GSE1: variants seen among roughly 807,000 people sequenced by gnomAD.
The protein encoded by GSE1 is Gse1 coiled-coil protein.
GSE1 carries 32 observed loss-of-function variants against 112.6 expected under a neutral mutation model. The observed-to-expected ratio is 0.28, with a 90% CI of 0.21 to 0.38. GSE1 has a LOEUF of 0.38. GSE1 is among the 10% of genes least tolerant of loss of function. The probability of loss-of-function intolerance (pLI) is 1.00; values close to 1 mark genes in which losing one functional copy is unlikely to be tolerated. For missense variants in GSE1, 2,348 were observed against 1,699.2 expected (o/e 1.38, Z -6.71); for synonymous variants, 1,115 against 735.6 (o/e 1.52, Z -8.35).
chr16:85,357,314 G>C (rs973778986), intron 1 of GSE1: 1 of 347,608 alleles, frequency 2.9e-6, no homozygotes, highest in Non-Finnish European at 4.9e-6. Flanking sequence ...CTGCTCTGCT[G>C]TTGCCCTGAG....
At chr16:85,639,181 C>T (rs1377911892) in intron 2 of GSE1, among the ~76,000 whole-genome samples, 2 of 152,224 alleles carry the variant, frequency 1.3e-5, no homozygotes, top group Non-Finnish European at 2.9e-5. Flanking sequence ...GTCCCAGCCA[C>T]CAAAGGGACG....
intron 2 of GSE1, among the ~76,000 whole-genome samples, chr16:85,486,550 G>A (rs1217318309): frequency 6.6e-6 from 1 of 152,230 alleles, no homozygotes; most frequent in African/African-American, 2.4e-5. Flanking sequence ...ATTCCAAACT[G>A]ATAAGGCCTT....
chr16:85,541,437 G>A (rs554736406), intron 2 of GSE1, among the ~76,000 whole-genome samples: 3 of 152,354 alleles, frequency 2.0e-5, no homozygotes, highest in South Asian at 4.1e-4. Flanking sequence ...TGTCCTGACC[G>A]TGTCCCCACT....
At chr16:85,560,712 A>C (rs917471558) in intron 1 of GSE1, among the ~76,000 whole-genome samples, 1 of 152,030 alleles carries the variant, frequency 6.6e-6, no homozygotes, top group East Asian at 1.9e-4. Context: ...GTATGTATGT[A>C]TGCCTAGATC....
chr16:85,477,919 C>A lies in GSE1; in HGVS notation c.2464+120276C>A, dbSNP rs551971945. Among the ~76,000 whole-genome samples the A allele has an allele frequency of 2.6e-5, 4 of 152,206 alleles. No individual in the cohort carries two copies. In the South Asian group the frequency reaches 8.3e-4, roughly 32 times the overall value. On this transcript the variant is annotated intron_variant, in intron 2 of 2. Transcript: ENST00000637419. ...TGAAGTTCTCATATCATGCATTTCACCCTTTTCAAGTGTACAGGCCCATGG... is the reference window on the plus strand; with the variant it reads ...TGAAGTTCTCATATCATGCATTTCAACCTTTTCAAGTGTACAGGCCCATGG...
chr16:85,629,883 G>A (rs1187413020), intron 1 of GSE1, among the ~76,000 whole-genome samples: 1 of 152,218 alleles, frequency 6.6e-6, no homozygotes, highest in Non-Finnish European at 1.5e-5. Context: ...AGCGTTGTGT[G>A]ACCAACTGTC....
chr16:85,546,940 G>A (rs1361543628), intron 2 of GSE1, among the ~76,000 whole-genome samples: 1 of 152,206 alleles, frequency 6.6e-6, no homozygotes, highest in African/African-American at 2.4e-5. Context: ...GATCTCCGGG[G>A]GCCAGGCTTC....
intron 1 of GSE1, among the ~76,000 whole-genome samples, chr16:85,192,471 A>G (rs987576430): frequency 1.6e-4 from 25 of 152,118 alleles, no homozygotes; most frequent in Non-Finnish European, 8.8e-5. Context: ...CTAGAACAGG[A>G]GTTTCATTGG....
intron 2 of GSE1, among the ~76,000 whole-genome samples, chr16:85,641,423 G>GCCC (rs61178619): frequency 0.014 from 2,053 of 149,874 alleles, 45 homozygotes; most frequent in African/African-American, 0.041. Context: ...ACTGGCTGAC[G>GCCC]CCCCCCCCCG....
chr16:85,455,821 T>C (rs2049811574), intron 2 of GSE1, among the ~76,000 whole-genome samples: 1 of 152,208 alleles, frequency 6.6e-6, no homozygotes, highest in African/African-American at 2.4e-5. Context: ...TCACGCTCTC[T>C]CTCCACTCTC....
At chr16:85,529,288 A>G (rs906029506) in intron 2 of GSE1, among the ~76,000 whole-genome samples, 5 of 152,158 alleles carry the variant, frequency 3.3e-5, no homozygotes, top group African/African-American at 4.8e-5. Flanking sequence ...GTGGCAAGCG[A>G]GCAGCGGCCC....
intron 1 of GSE1, among the ~76,000 whole-genome samples, chr16:85,300,159 C>T (rs1054495849): frequency 2.0e-5 from 3 of 151,928 alleles, no homozygotes; most frequent in African/African-American, 7.2e-5. Flanking sequence ...TTACAGGCAC[C>T]CGCCACCACA....
At chr16:85,288,557 C>T (rs567884915) in intron 1 of GSE1, among the ~76,000 whole-genome samples, 28 of 152,336 alleles carry the variant, frequency 1.8e-4, no homozygotes, top group African/African-American at 6.3e-4. Context: ...CAGCTGGGGT[C>T]AGAAAAGTTT....
At chr16:85,209,882 G>A (rs2075195492) in intron 1 of GSE1, among the ~76,000 whole-genome samples, 2 of 152,226 alleles carry the variant, frequency 1.3e-5, no homozygotes, top group Admixed American at 1.3e-4. Context: ...ACCTAAAGCT[G>A]TTGGCCACCA....
At chr16:85,525,150 G>T (rs751788692) in intron 2 of GSE1, among the ~76,000 whole-genome samples, 1 of 152,054 alleles carries the variant, frequency 6.6e-6, no homozygotes, top group Non-Finnish European at 1.5e-5. Flanking sequence ...GGGCCAGGGG[G>T]TAACTGGCCC....
intron 1 of GSE1, among the ~76,000 whole-genome samples, chr16:85,264,350 G>A (rs1442738955): frequency 6.6e-6 from 1 of 152,146 alleles, no homozygotes; most frequent in Non-Finnish European, 1.5e-5. Context: ...TGGGCTTGGG[G>A]GACCGGGTGA....
intron 1 of GSE1, among the ~76,000 whole-genome samples, chr16:85,564,285 A>T (rs868474059): frequency 6.6e-6 from 1 of 152,086 alleles, no homozygotes; most frequent in Non-Finnish European, 1.5e-5. Context: ...GGAGGGAGGA[A>T]CAGAAATAGG....
chr16:85,573,802 T>C (rs1438110353), intron 1 of GSE1, among the ~76,000 whole-genome samples: 1 of 152,176 alleles, frequency 6.6e-6, no homozygotes, highest in African/African-American at 2.4e-5. Context: ...AGATTGGAGT[T>C]ATTGTGAGTG....
chr16:85,589,300 G>T (rs1201605951), intron 1 of GSE1, among the ~76,000 whole-genome samples: 1 of 152,172 alleles, frequency 6.6e-6, no homozygotes, highest in Non-Finnish European at 1.5e-5. Flanking sequence ...GGTCGGGCAG[G>T]GCCCTGTTTC....
Sources: allele counts gnomAD v4.1 joint callset (sites outside exome capture counted in the v4.1 genomes callset), GRCh38; gene constraint gnomAD v4.1.1; transcripts MANE v1.5; gene names NCBI Gene and HGNC (gene_info 2026-07-23, HGNC 2026-07-21).